SUMF1: variants seen among roughly 807,000 people sequenced by gnomAD.
SUMF1 encodes sulfatase modifying factor 1, also known as formylglycine-generating enzyme.
A neutral mutation model predicts 47.6 loss-of-function variants in SUMF1; 48 were observed. The observed-to-expected ratio is 1.01, with a 90% CI of 0.80 to 1.28. The LOEUF is 1.28. SUMF1 is among the 50% of genes most tolerant of loss of function. SUMF1 has a pLI of 0.00. For missense variants in SUMF1, 571 were observed against 485.4 expected (o/e 1.18, Z -1.66); for synonymous variants, 230 against 192.1 (o/e 1.20, Z -1.63).
rs1015618508 is a variant in SUMF1, at chr3:4,390,548, G to A, written c.955-14159C>T. Among the ~76,000 whole-genome samples, 6 of 152,116 alleles carry A rather than the reference G, an allele frequency of 3.9e-5. 1 individual carries two copies. Among genetic ancestry groups the A allele is most frequent in the Admixed American group, 3.9e-4 (6 of 15,258 alleles). ...CTACACCTGTTAGCATTTCTGGGTT[G>A]CTTGCTTCCCTAGCTCCAAGTCAGG... On this transcript the variant is annotated intron_variant, in intron 7 of 8. Coordinates refer to ENST00000272902, the MANE Select transcript of SUMF1 (RefSeq NM_182760.4).
chr3:4,340,934 G>A (rs1268038535), intron 8 of SUMF1, among the ~76,000 whole-genome samples: 1 of 152,070 alleles, frequency 6.6e-6, no homozygotes, highest in East Asian at 1.9e-4. Context: ...CTTGCTAATT[G>A]CTTCAATTTT....
At chr3:4,219,173 TGAAAA>T (rs1236999860) in intron 8 of SUMF1, among the ~76,000 whole-genome samples, 2 of 152,154 alleles carry the variant, frequency 1.3e-5, no homozygotes, top group East Asian at 3.8e-4. Context: ...TTGGCAAAGA[TGAAAA>T]GAAGAGAGGG....
At chr3:4,440,114 T>C (rs1702532443) in intron 3 of SUMF1, among the ~76,000 whole-genome samples, 1 of 151,938 alleles carries the variant, frequency 6.6e-6, no homozygotes, top group Admixed American at 6.6e-5. Context: ...CGGGAGCCTA[T>C]AATCCCAGCT....
intron 8 of SUMF1, among the ~76,000 whole-genome samples, chr3:4,271,590 A>G (rs754208323): frequency 2.0e-4 from 31 of 152,068 alleles, no homozygotes; most frequent in Non-Finnish European, 4.3e-4. Context: ...CAGTCTTGAA[A>G]TCCCAGGCTC....
chr3:4,425,988 C>T (rs1276548261), intron 3 of SUMF1, among the ~76,000 whole-genome samples: 1 of 152,166 alleles, frequency 6.6e-6, no homozygotes, highest in Non-Finnish European at 1.5e-5. Context: ...TTCACTCTCA[C>T]AAGAACAGTG....
chr3:4,200,563 C>T (rs1695519260), intron 8 of SUMF1, among the ~76,000 whole-genome samples: 1 of 152,104 alleles, frequency 6.6e-6, no homozygotes, highest in Non-Finnish European at 1.5e-5. Context: ...CTTAGAGTTA[C>T]ACCATGAGTT....
intron 8 of SUMF1, among the ~76,000 whole-genome samples, chr3:4,201,449 C>T (rs1439990850): frequency 6.6e-6 from 1 of 152,036 alleles, no homozygotes; most frequent in East Asian, 1.9e-4. Flanking sequence ...TCCACTTCCA[C>T]CCATCTTGTT....
chr3:4,091,380 C>T (rs1201417075), intron 8 of SUMF1, among the ~76,000 whole-genome samples: 2 of 152,032 alleles, frequency 1.3e-5, no homozygotes, highest in Admixed American at 6.5e-5. Flanking sequence ...GATATAATTT[C>T]CTAAAGCTGT....
intron 8 of SUMF1, among the ~76,000 whole-genome samples, chr3:4,110,226 C>T (rs1243381203): frequency 6.6e-6 from 1 of 152,132 alleles, no homozygotes; most frequent in East Asian, 1.9e-4. Flanking sequence ...GCAGCGGAGG[C>T]TGCAGAACAG....
intron 8 of SUMF1, among the ~76,000 whole-genome samples, chr3:4,280,489 T>C (rs1697505187): frequency 6.7e-6 from 1 of 150,028 alleles, no homozygotes; most frequent in African/African-American, 2.5e-5. Flanking sequence ...GATAATCTAA[T>C]AGAGGAAAAA....
intron 8 of SUMF1, among the ~76,000 whole-genome samples, chr3:4,253,437 T>C (rs6442878): frequency 2.0e-5 from 3 of 151,998 alleles, no homozygotes; most frequent in Admixed American, 6.5e-5. Context: ...GGGCGAGGCA[T>C]TGCCTCACCT....
At position 4,054,542 on chromosome 3, in the gene SUMF1, T is replaced by A. The variant is rs562184861; in HGVS notation, c.1191+14027A>T. ...CAGTTAAATATTTTATTCAGGTGTA[T>A]GTTTATGTGCCTGTTTTAAAAGATA... On this transcript the variant is annotated intron_variant and NMD_transcript_variant, in intron 9 of 12. Coordinates refer to the SUMF1 transcript ENST00000448413. 1.1e-4 allele frequency among the ~76,000 whole-genome samples: 17 copies of A among 152,234 alleles called. No individual in the cohort carries two copies. The South Asian group carries it at 3.5e-3, about 32-fold the overall frequency.
At chr3:4,429,147 C>A (rs1163869083) in intron 3 of SUMF1, among the ~76,000 whole-genome samples, 1 of 152,188 alleles carries the variant, frequency 6.6e-6, no homozygotes, top group Non-Finnish European at 1.5e-5. Flanking sequence ...GCTAAATTTC[C>A]ACAAGTAGCA....
intron 7 of SUMF1, among the ~76,000 whole-genome samples, chr3:4,391,993 T>A (rs768077516): frequency 2.6e-5 from 4 of 152,038 alleles, no homozygotes; most frequent in Admixed American, 1.3e-4. Flanking sequence ...CATACCTGGC[T>A]AATTTTTTAT....
At chr3:4,307,952 C>A (rs192535992) in intron 8 of SUMF1, among the ~76,000 whole-genome samples, 4 of 152,128 alleles carry the variant, frequency 2.6e-5, no homozygotes, top group East Asian at 3.9e-4. Context: ...GGGAGGCTGA[C>A]CTTGAGCCCA....
Position 4,211,199 on chromosome 3 carries a change from CATACAT to C in SUMF1, c.1015-142460_1015-142455del, listed in dbSNP as rs1167554121. On this transcript the variant is annotated intron_variant and NMD_transcript_variant, in intron 8 of 12. Transcript: ENST00000448413. Reference sequence around the variant, plus strand: ...ATATATATACATATACATATACATACATACATATATATATATATATATATATATCCT... The same window carrying C: ...ATATATATACATATACATATACATACATATATATATATATATATATATCCT... Among the ~76,000 whole-genome samples, 32 of 85,032 alleles carry C rather than the reference CATACAT, an allele frequency of 3.8e-4. 1 individual carries two copies. The highest frequency in any genetic ancestry group is 7.9e-4 in the Admixed American group (6 of 7,556). The allele number at this position is 85,032 out of a possible 152,430, so 55.8% of individuals were successfully genotyped here.
At chr3:4,057,942 T>C (rs1448555557) in intron 9 of SUMF1, among the ~76,000 whole-genome samples, 1 of 152,150 alleles carries the variant, frequency 6.6e-6, no homozygotes, top group African/African-American at 2.4e-5. Context: ...AAACAAGAGA[T>C]TCAAGGTGTT....
intron 8 of SUMF1, among the ~76,000 whole-genome samples, chr3:4,301,533 G>C (rs556055884): frequency 6.6e-6 from 1 of 152,328 alleles, no homozygotes; most frequent in Admixed American, 6.5e-5. Flanking sequence ...AACTTCCAAA[G>C]TCCAAGCAAG....
chr3:4,287,351 C>T (rs1342359863), intron 8 of SUMF1, among the ~76,000 whole-genome samples: 2 of 151,784 alleles, frequency 1.3e-5, no homozygotes, highest in Non-Finnish European at 2.9e-5. Flanking sequence ...ATTCAAAAAA[C>T]TTAATAAACA....
Sources: gnomAD v4.1 joint callset for allele counts (sites outside exome capture counted in the v4.1 genomes callset) on GRCh38, gnomAD v4.1.1 for gene constraint, MANE v1.5 for transcripts, NCBI Gene and HGNC (gene_info 2026-07-23, HGNC 2026-07-21) for gene names.